The following SAMMSON variants were observed in gnomAD, a reference collection of about 807,000 sequenced individuals.
SAMMSON encodes the protein long intergenic non-protein coding RNA 1212.
At chr3:70,355,736 C>G (rs1702825082) in intron 8 of SAMMSON, among the ~76,000 whole-genome samples, 1 of 152,102 alleles carries the variant, frequency 6.6e-6, no homozygotes, top group South Asian at 2.1e-4. Context: ...TAGACATACT[C>G]TACAGATTAA....
At chr3:70,137,250 G>T (rs998250879) in intron 4 of SAMMSON, among the ~76,000 whole-genome samples, 1 of 152,132 alleles carries the variant, frequency 6.6e-6, no homozygotes, top group African/African-American at 2.4e-5. Flanking sequence ...TTTAGAGAAA[G>T]TATGTATAGT....
At chr3:70,244,307 T>G (rs1268287740) in intron 4 of SAMMSON, among the ~76,000 whole-genome samples, 1 of 152,262 alleles carries the variant, frequency 6.6e-6, no homozygotes, top group East Asian at 1.9e-4. Flanking sequence ...ACCACTGCAG[T>G]GTAGACTTTT....
chr3:70,309,685 A>G (rs753209634), intron 7 of SAMMSON, among the ~76,000 whole-genome samples: 1 of 152,214 alleles, frequency 6.6e-6, no homozygotes, highest in East Asian at 1.9e-4. Context: ...TAACATTGAA[A>G]AAAAAGACAT....
At chr3:70,181,163 A>G (rs1042952798) in intron 4 of SAMMSON, among the ~76,000 whole-genome samples, 1 of 152,144 alleles carries the variant, frequency 6.6e-6, no homozygotes, top group Non-Finnish European at 1.5e-5. Flanking sequence ...TCCCAGCAGC[A>G]TTGCTCCTTT....
At chr3:70,016,898 G>C (rs895555721) in intron 3 of SAMMSON, among the ~76,000 whole-genome samples, 4 of 152,112 alleles carry the variant, frequency 2.6e-5, no homozygotes, top group Non-Finnish European at 4.4e-5. Context: ...GATGGTTGTA[G>C]ATATGCGGCA....
intron 6 of SAMMSON, among the ~76,000 whole-genome samples, chr3:70,286,727 T>G (rs1034300611): frequency 1.3e-4 from 20 of 152,174 alleles, no homozygotes; most frequent in African/African-American, 4.8e-4. Context: ...TATCCTCTTT[T>G]ATTTCCTTGA....
At chr3:70,191,406 GC>G (rs1450529247) in intron 4 of SAMMSON, among the ~76,000 whole-genome samples, 2 of 152,172 alleles carry the variant, frequency 1.3e-5, no homozygotes, top group Non-Finnish European at 2.9e-5. Flanking sequence ...CTGATGAGGG[GC>G]TGGCCTGGGT....
chr3:70,218,811 C>T (rs1362829798), intron 4 of SAMMSON, among the ~76,000 whole-genome samples: 2 of 152,130 alleles, frequency 1.3e-5, no homozygotes, highest in Admixed American at 1.3e-4. Context: ...ATTGACTGTG[C>T]TTGGCGAAAG....
chr3:70,253,433 G>A (rs887985011), intron 6 of SAMMSON, among the ~76,000 whole-genome samples: 5 of 152,130 alleles, frequency 3.3e-5, no homozygotes, highest in African/African-American at 7.2e-5. Flanking sequence ...GGCTGCTTTC[G>A]GTGGGGCACC....
At chr3:70,383,757 C>G (rs1559577653) in intron 9 of SAMMSON, among the ~76,000 whole-genome samples, 1 of 151,932 alleles carries the variant, frequency 6.6e-6, no homozygotes, top group African/African-American at 2.4e-5. Flanking sequence ...CTTAGGCTAA[C>G]TGTAGATGAA....
intron 4 of SAMMSON, among the ~76,000 whole-genome samples, chr3:70,216,207 T>C (rs1701410207): frequency 6.6e-6 from 1 of 150,688 alleles, no homozygotes. Flanking sequence ...ATTCTAATTC[T>C]ACTTTATATA....
intron 7 of SAMMSON, among the ~76,000 whole-genome samples, chr3:70,313,418 C>T (rs1702472476): frequency 6.7e-6 from 1 of 150,072 alleles, no homozygotes; most frequent in South Asian, 2.1e-4. Flanking sequence ...GTCGGGGCAG[C>T]AGTGAGCCCT....
chr3:70,267,184 A>G (rs1701923522), intron 6 of SAMMSON, among the ~76,000 whole-genome samples: 1 of 152,118 alleles, frequency 6.6e-6, no homozygotes. Flanking sequence ...GGGATTTTAT[A>G]CTTAATTCCC....
intron 4 of SAMMSON, among the ~76,000 whole-genome samples, chr3:70,175,212 A>G (rs1382228274): frequency 1.3e-5 from 2 of 152,120 alleles, no homozygotes; most frequent in African/African-American, 4.8e-5. Context: ...AATCATGACC[A>G]TAAGTTGGCT....
intron 4 of SAMMSON, among the ~76,000 whole-genome samples, chr3:70,114,724 C>T (rs1249852314): frequency 6.6e-6 from 1 of 152,012 alleles, no homozygotes; most frequent in East Asian, 1.9e-4. Flanking sequence ...TCAACAAAGG[C>T]CAAGTAGAGA....
intron 9 of SAMMSON, among the ~76,000 whole-genome samples, chr3:70,385,187 C>T (rs921031838): frequency 6.6e-6 from 1 of 152,066 alleles, no homozygotes; most frequent in South Asian, 2.1e-4. Context: ...CTCCTTTTCT[C>T]TCCTTCTGTA....
chr3:70,006,498 G>GT (rs1412755765), intron 1 of SAMMSON, among the ~76,000 whole-genome samples: 5 of 152,168 alleles, frequency 3.3e-5, no homozygotes, highest in African/African-American at 1.2e-4. Flanking sequence ...CTAATGAGAG[G>GT]TGGAAGTAGG....
At chr3:70,398,345 A>G (rs1265192997) in intron 2 of SAMMSON, among the ~76,000 whole-genome samples, 1 of 152,192 alleles carries the variant, frequency 6.6e-6, no homozygotes, top group Admixed American at 6.6e-5. Flanking sequence ...TCCAAAATGG[A>G]TTCAAAATAA....
At chr3:70,113,422 C>T (rs1013002471) in intron 4 of SAMMSON, among the ~76,000 whole-genome samples, 6 of 152,152 alleles carry the variant, frequency 3.9e-5, no homozygotes, top group Admixed American at 6.5e-5. Flanking sequence ...TAATTATATA[C>T]AAGCAGTCTA....
Sources: allele counts gnomAD v4.1 joint callset (sites outside exome capture counted in the v4.1 genomes callset), GRCh38; gene constraint gnomAD v4.1.1; transcripts MANE v1.5; gene names NCBI Gene and HGNC (gene_info 2026-07-23, HGNC 2026-07-21).